LDLRAD4: variants seen among roughly 807,000 people sequenced by gnomAD.
LDLRAD4 encodes low-density lipoprotein receptor class A domain-containing protein 4.
Under a neutral mutation model 17.0 loss-of-function variants are expected in LDLRAD4, and 5 were observed. The observed-to-expected ratio is 0.29, with a 90% CI of 0.15 to 0.62. LDLRAD4 has a LOEUF of 0.62. Among genes scored for constraint, LDLRAD4 ranks in the 20% least tolerant of loss-of-function variants. The pLI, the probability that LDLRAD4 is intolerant of heterozygous loss-of-function variation, is 0.84. For missense variants in LDLRAD4, 340 were observed against 424.7 expected (o/e 0.80, Z 1.75); for synonymous variants, 168 against 171.8 (o/e 0.98, Z 0.17).
At chr18:13,433,399 A>G (rs984826523) in intron 2 of LDLRAD4, among the ~76,000 whole-genome samples, 8 of 152,240 alleles carry the variant, frequency 5.3e-5, no homozygotes, top group African/African-American at 1.9e-4. Context: ...TACTTTGCCA[A>G]TTCACAAAAA....
intron 3 of LDLRAD4, among the ~76,000 whole-genome samples, chr18:13,467,752 G>T (rs1394334049): frequency 1.3e-5 from 2 of 152,196 alleles, no homozygotes; most frequent in African/African-American, 4.8e-5. Context: ...CAAAAGTACT[G>T]TAATCAACAC....
intron 3 of LDLRAD4, among the ~76,000 whole-genome samples, chr18:13,589,774 G>C (rs1433809734): frequency 6.6e-6 from 1 of 152,188 alleles, no homozygotes; most frequent in African/African-American, 2.4e-5. Context: ...GGGAGAAGAG[G>C]GTTTGGGAGG....
intron 1 of LDLRAD4, among the ~76,000 whole-genome samples, chr18:13,228,247 T>C (rs1193004570): frequency 6.6e-6 from 1 of 152,136 alleles, no homozygotes; most frequent in African/African-American, 2.4e-5. Flanking sequence ...AGTCCTCCAG[T>C]GGTCTGGCCG....
At chr18:13,408,565 T>C (rs1439797560) in intron 2 of LDLRAD4, among the ~76,000 whole-genome samples, 1 of 151,930 alleles carries the variant, frequency 6.6e-6, no homozygotes, top group Non-Finnish European at 1.5e-5. Flanking sequence ...CTCTGCCTCC[T>C]GGGTTCAAGC....
exon 6 of LDLRAD4, chr18:13,649,746 A>C (rs2149033386): frequency 3.2e-6 from 1 of 308,532 alleles, no homozygotes; most frequent in South Asian, 1.6e-4. Context: ...GCAGTGTATG[A>C]AAGAAAAAAC....
intron 1 of LDLRAD4, among the ~76,000 whole-genome samples, chr18:13,285,902 C>A (rs1198608821): frequency 6.6e-6 from 1 of 152,126 alleles, no homozygotes; most frequent in East Asian, 1.9e-4. Context: ...AAGTTGGAAC[C>A]CTTCTGTGTT....
chr18:13,597,141 G>A (rs2095105449), intron 3 of LDLRAD4, among the ~76,000 whole-genome samples: 1 of 152,130 alleles, frequency 6.6e-6, no homozygotes, highest in Admixed American at 6.5e-5. Flanking sequence ...ACCTAGGAAG[G>A]TCTTTATTTA....
chr18:13,469,635 A>G (rs983776125), intron 3 of LDLRAD4, among the ~76,000 whole-genome samples: 12 of 152,270 alleles, frequency 7.9e-5, no homozygotes, highest in African/African-American at 2.4e-4. Context: ...GATATGACAA[A>G]TATATGATAC....
rs545351034 is a variant in LDLRAD4 at position 13,547,642 on chromosome 18, G to GGGT, written c.182-73472_182-73470dup. On this transcript the variant is annotated intron_variant, in intron 3 of 5. Coordinates refer to ENST00000359446, the Ensembl canonical transcript of LDLRAD4. ...ATGGCCAGGCATGCTGTCTGCAATGGGGTGGGCAGCTCCTTGCTGTGGCTG... is the reference window on the plus strand; with the variant it reads ...ATGGCCAGGCATGCTGTCTGCAATGGGGTGGTGGGCAGCTCCTTGCTGTGGCTG... 3.0e-3 allele frequency among the ~76,000 whole-genome samples: 463 copies of GGGT among 152,322 alleles called. 3 individuals carry two copies. Among genetic ancestry groups the GGGT allele is most frequent in the African/African-American group, 0.011 (438 of 41,566 alleles).
At chr18:13,505,873 A>C (rs1787243770) in intron 3 of LDLRAD4, among the ~76,000 whole-genome samples, 1 of 152,144 alleles carries the variant, frequency 6.6e-6, no homozygotes, top group South Asian at 2.1e-4. Context: ...GAATGGAAGC[A>C]TGCTGTTTCT....
intron 1 of LDLRAD4, among the ~76,000 whole-genome samples, chr18:13,280,503 G>T (rs2045197160): frequency 6.6e-6 from 1 of 152,214 alleles, no homozygotes; most frequent in South Asian, 2.1e-4. Context: ...CAGAGGTCCT[G>T]CTCTCTCTGT....
chr18:13,404,267 T>A (rs1306932039), intron 2 of LDLRAD4, among the ~76,000 whole-genome samples: 4 of 152,212 alleles, frequency 2.6e-5, no homozygotes, highest in Non-Finnish European at 4.4e-5. Context: ...GTTCCCTTGC[T>A]CTGCATCCCC....
At chr18:13,586,793 G>A (rs551433965) in intron 3 of LDLRAD4, among the ~76,000 whole-genome samples, 62 of 151,552 alleles carry the variant, frequency 4.1e-4, no homozygotes, top group African/African-American at 1.4e-3. Flanking sequence ...AGGCTGAGTT[G>A]GGAGAAACCC....
chr18:13,247,028 T>C (rs1424920915), intron 1 of LDLRAD4, among the ~76,000 whole-genome samples: 1 of 152,046 alleles, frequency 6.6e-6, no homozygotes, highest in Non-Finnish European at 1.5e-5. Context: ...AAAAAAGACC[T>C]TGGGTAAACT....
In LDLRAD4 at chr18:13,533,125, C is replaced by T. The variant is rs73413514; in HGVS notation, c.182-87992C>T. ...TGTGTGTCAGGGCTAAGGGATAAGC[C>T]AGCGACCAATAGACAAGGTCCCTGC... On this transcript the variant is annotated intron_variant, in intron 3 of 5. Coordinates refer to ENST00000359446, the Ensembl canonical transcript of LDLRAD4. Among the ~76,000 whole-genome samples the T allele has an allele frequency of 9.9e-3, 1,504 of 152,278 alleles. 28 individuals are homozygous for T. The highest frequency in any genetic ancestry group is 0.034 in the African/African-American group (1,432 of 41,556).
chr18:13,599,486 A>AT (rs35131642), intron 3 of LDLRAD4, among the ~76,000 whole-genome samples: 3,137 of 81,748 alleles, frequency 0.038, 144 homozygotes, highest in African/African-American at 0.11. Flanking sequence ...TGAGTCTCCA[A>AT]TTTTTTTTTT....
At chr18:13,613,259 G>C (rs1033480842) in intron 3 of LDLRAD4, 1 of 153,214 alleles carries the variant, frequency 6.5e-6, no homozygotes, top group African/African-American at 2.4e-5. Context: ...CTGTGACTCT[G>C]AGAGATAGAG....
At chr18:13,472,022 A>G (rs971883729) in intron 3 of LDLRAD4, 1 of 152,190 alleles carries the variant, frequency 6.6e-6, no homozygotes, top group Non-Finnish European at 1.5e-5. Context: ...TGCACTCTTA[A>G]TTGTAGGCAG....
intron 3 of LDLRAD4, among the ~76,000 whole-genome samples, chr18:13,559,906 GC>G (rs1601384510): frequency 3.1e-5 from 2 of 65,356 alleles, no homozygotes; most frequent in Admixed American, 2.8e-4. Flanking sequence ...GCACTTTGCT[GC>G]CCCTGACCAA....
Sources: gnomAD v4.1 joint callset for allele counts (sites outside exome capture counted in the v4.1 genomes callset) on GRCh38, gnomAD v4.1.1 for gene constraint, MANE v1.5 for transcripts, NCBI Gene and HGNC (gene_info 2026-07-23, HGNC 2026-07-21) for gene names.